Variants in DHX57 observed in about 807,000 individuals in gnomAD.
DHX57 encodes the protein DExH-box helicase 57.
In DHX57, 105 loss-of-function variants were observed where a neutral mutation model predicts 156.2. That is an observed-to-expected ratio of 0.67 (90% CI 0.57 to 0.79). The LOEUF (loss-of-function observed/expected upper bound fraction) is 0.79. Among genes scored for constraint, DHX57 ranks in the 30% least tolerant of loss-of-function variants. The pLI is 0.00. For synonymous variants in DHX57, 704 were observed against 595.6 expected (o/e 1.18, Z -2.65); for missense variants, 1,847 against 1,661.9 (o/e 1.11, Z -1.94).
Position 38,825,900 on chromosome 2 carries a change from TA to T in DHX57, c.2960del (p.Leu987Ter). 6.2e-7 allele frequency: 1 copy of T among 1,614,160 alleles called. No homozygotes were observed. Among genetic ancestry groups the T allele is most frequent in the Non-Finnish European group, 8.5e-7 (1 of 1,180,012 alleles). The stretch of plus-strand genomic sequence containing the variant: ...TTTGTATTTCTGGTAGCTGTTGTTT[TA>T]AAAGCTGGTGATTGTAGTGATGGCT... ...FTSHHYNHQL[L>X]KQQLPEIQRV... On this transcript the variant is annotated frameshift_variant, in exon 16 of 24. Coordinates refer to ENST00000457308, the MANE Select transcript of DHX57 (RefSeq NM_198963.3). LOFTEE classifies it high-confidence loss of function.
At chr2:38,869,788 C>G (rs942608855) in intron 1 of DHX57, among the ~76,000 whole-genome samples, 3 of 152,158 alleles carry the variant, frequency 2.0e-5, no homozygotes, top group Non-Finnish European at 4.4e-5. Context: ...AAAAAAGTCA[C>G]AAGGCATGCA....
chr2:38,855,150 G>T lies in DHX57; in HGVS notation c.1812C>A (p.Ile604=), dbSNP rs781410537. The part of the protein sequence containing the change: ...ANIICTQPRR[I]SAISVAERVA... Reference sequence around the variant, plus strand: ...CGCGTTCAGCAACAGAGATTGCAGAGATTCGTCGGGGTTGGGTACAGATGA... The same window carrying T: ...CGCGTTCAGCAACAGAGATTGCAGATATTCGTCGGGGTTGGGTACAGATGA... Residue 604 remains isoleucine (I), a synonymous_variant, in exon 8 of 24, where the codon ATC becomes ATA. Transcript: ENST00000457308. 9.3e-6 allele frequency: 15 copies of T among 1,614,006 alleles called. No homozygotes were observed. In the African/African-American group the frequency reaches 1.7e-4, roughly 19 times the overall value.
chr2:38,849,336 C>T (rs903582318), intron 9 of DHX57, among the ~76,000 whole-genome samples: 18 of 152,162 alleles, frequency 1.2e-4, no homozygotes, highest in Non-Finnish European at 1.9e-4. Context: ...CAGAATAACA[C>T]CACCCTAATT....
rs189533283 is a variant in DHX57 at position 38,806,973 on chromosome 2, C to T, written c.3682-280G>A. On this transcript the variant is annotated intron_variant, in intron 21 of 23. Transcript: ENST00000457308. ...AGAAAACTATATTGATATTTTGGGT[C>T]TGTACTGATGATCAGGTGCAGTGAC... Among the ~76,000 whole-genome samples the T allele has an allele frequency of 4.9e-3, 740 of 150,068 alleles. 2 individuals carry two copies. Among genetic ancestry groups the T allele is most frequent in the Middle Eastern group, 0.024 (7 of 288 alleles).
At chr2:38,865,695 G>C (rs1272370520) in intron 2 of DHX57, among the ~76,000 whole-genome samples, 1 of 152,088 alleles carries the variant, frequency 6.6e-6, no homozygotes, top group African/African-American at 2.4e-5. Context: ...AAAACCTAGA[G>C]TGTCCCAGGG....
intron 2 of DHX57, among the ~76,000 whole-genome samples, chr2:38,865,747 T>A (rs1158896318): frequency 6.6e-6 from 1 of 152,164 alleles, no homozygotes; most frequent in Non-Finnish European, 1.5e-5. Context: ...TTATCCAGAC[T>A]CAGAACTTTA....
rs753240888 is a variant in DHX57 at position 38,861,674 on chromosome 2, C to T, written c.736G>A (p.Glu246Lys). The change falls in exon 5 of 24, where the codon GAA becomes AAA. Residue 246 changes from glutamate to lysine, a missense_variant. Transcript: ENST00000457308. ...GCAAATGCCTCTTCCTGTCGCTGTTCCATACACTCATCCAAGCTTATCTGG... is the reference window on the plus strand; with the variant it reads ...GCAAATGCCTCTTCCTGTCGCTGTTTCATACACTCATCCAAGCTTATCTGG... The part of the protein sequence containing the change: ...VNQISLDECM[E>K]QRQEEAFALK... 6.8e-5 allele frequency: 110 copies of T among 1,614,026 alleles called. No individual in the cohort carries two copies. In the South Asian group the frequency reaches 1.1e-3, roughly 16 times the overall value.
At chr2:38,835,857 G>A (rs1671626374) in intron 13 of DHX57, among the ~76,000 whole-genome samples, 1 of 152,204 alleles carries the variant, frequency 6.6e-6, no homozygotes, top group South Asian at 2.1e-4. Context: ...AATCATAAAA[G>A]AGACTATGGA....
At chr2:38,858,946 G>T in intron 5 of DHX57, 110 bp from the exon 6 acceptor site, 1 of 1,095,032 alleles carries the variant, frequency 9.1e-7, no homozygotes, top group Non-Finnish European at 1.3e-6. Context: ...TGGAGAAAAA[G>T]TGAAAACTTG....
At chr2:38,842,920 A>G (rs1672085174) in intron 12 of DHX57, 85 bp downstream of exon 12, 3 of 1,424,860 alleles carry the variant, frequency 2.1e-6, no homozygotes, top group Admixed American at 3.8e-5. Flanking sequence ...AACAAGAATC[A>G]TATTTTTCTT....
intron 12 of DHX57, among the ~76,000 whole-genome samples, chr2:38,840,350 C>T (rs1171696074): frequency 2.0e-5 from 3 of 150,454 alleles, no homozygotes; most frequent in Non-Finnish European, 3.0e-5. Context: ...TTCTGAAAGG[C>T]GAAAGAGAAC....
intron 20 of DHX57, among the ~76,000 whole-genome samples, chr2:38,815,012 G>A (rs567289738): frequency 4.4e-4 from 66 of 151,722 alleles, no homozygotes; most frequent in African/African-American, 1.3e-3. Flanking sequence ...ATGAGCCACC[G>A]TGCCCAGCCC....
At chr2:38,859,063 A>G (rs1283338775) in intron 5 of DHX57, among the ~76,000 whole-genome samples, 1 of 152,260 alleles carries the variant, frequency 6.6e-6, no homozygotes, top group Non-Finnish European at 1.5e-5. Flanking sequence ...GCATTAAAAG[A>G]ATTAGCAGTG....
chr2:38,826,037 TG>T lies in DHX57; in HGVS notation c.2823del (p.Ser942AlafsTer7). ...SGKMKEKRYD[A>X]SKGMESLEDT... ...TCCTCTAGACTTTCCATCCCTTTGCTGGCATCATATCTATAAAGAAAAAGAA... is the reference window on the plus strand; with the variant it reads ...TCCTCTAGACTTTCCATCCCTTTGCTGCATCATATCTATAAAGAAAAAGAA... On this transcript the variant is annotated frameshift_variant, in exon 16 of 24. Coordinates refer to ENST00000457308, the MANE Select transcript of DHX57 (RefSeq NM_198963.3). LOFTEE classifies it high-confidence loss of function. The T allele has an allele frequency of 1.2e-6, 2 of 1,613,990 alleles. No individual in the cohort carries two copies. Among genetic ancestry groups the T allele is most frequent in the Non-Finnish European group, 1.7e-6 (2 of 1,179,860 alleles).
chr2:38,848,185 T>G (rs1247432105), intron 10 of DHX57, 84 bp downstream of exon 10: 7 of 1,347,730 alleles, frequency 5.2e-6, no homozygotes, highest in Non-Finnish European at 7.0e-6. Flanking sequence ...GAAAGAGGTA[T>G]AAATATCTAC....
chr2:38,803,961 T>C (rs1041427939), intron 22 of DHX57, among the ~76,000 whole-genome samples: 18 of 151,806 alleles, frequency 1.2e-4, no homozygotes, highest in African/African-American at 4.4e-4. Flanking sequence ...TTTGTATTTT[T>C]AGTAGAGATG....
chr2:38,847,093 A>G lies in DHX57; in HGVS notation c.2165-20T>C. The G allele has an allele frequency of 1.2e-6, 2 of 1,607,468 alleles. No individual in the cohort carries two copies. The highest frequency in any genetic ancestry group is 1.7e-6 in the Non-Finnish European group (2 of 1,174,496). ...TACGACCTAGAAAAACAAGGAGACA[A>G]AATAGAAAGCCTGAGAACACCCATT... is the stretch of plus-strand genomic sequence containing the variant. On this transcript the variant is annotated intron_variant, in intron 10 of 23. Coordinates refer to ENST00000457308, the MANE Select transcript of DHX57 (RefSeq NM_198963.3).
At chr2:38,830,846 C>T (rs1671342049) in intron 13 of DHX57, among the ~76,000 whole-genome samples, 1 of 152,076 alleles carries the variant, frequency 6.6e-6, no homozygotes, top group Non-Finnish European at 1.5e-5. Context: ...GTAATTACAG[C>T]ACTTTGAGAG....
chr2:38,843,633 C>G (rs1039256424), intron 11 of DHX57, among the ~76,000 whole-genome samples: 2 of 152,190 alleles, frequency 1.3e-5, no homozygotes, highest in African/African-American at 2.4e-5. Flanking sequence ...GAACATCAAC[C>G]TAAGACTATT....
Sources: allele counts gnomAD v4.1 joint callset (sites outside exome capture counted in the v4.1 genomes callset), GRCh38; gene constraint gnomAD v4.1.1; transcripts MANE v1.5; gene names NCBI Gene and HGNC (gene_info 2026-07-23, HGNC 2026-07-21).